Variants in UTS2 observed in about 807,000 individuals in gnomAD.
UTS2 encodes the protein urotensin-2.
In UTS2, 10 loss-of-function variants were observed where a neutral mutation model predicts 12.6. The observed-to-expected ratio is 0.80, with a 90% CI of 0.49 to 1.35. UTS2 has a LOEUF of 1.35. Among genes scored for constraint, UTS2 ranks in the 40% most tolerant of loss-of-function variants. The probability of loss-of-function intolerance (pLI) is 0.00; values close to 1 mark genes in which losing one functional copy is unlikely to be tolerated. For synonymous variants in UTS2, 52 were observed against 50.0 expected, an observed-to-expected ratio of 1.04 and a Z score of -0.17; for missense variants, 142 against 143.2, an observed-to-expected ratio of 0.99 and a Z score of 0.04.
At chr1:7,852,810 G>C in intron 1 of UTS2, 91 bp downstream of exon 1, 1 of 1,412,092 alleles carries the variant, frequency 7.1e-7, no homozygotes, top group Non-Finnish European at 9.5e-7. Context: ...AGACTCCTTC[G>C]AGCAGGAATC....
At chr1:7,861,327 C>T in the UTS2 span, among the ~76,000 whole-genome samples, 1 of 152,080 alleles carries the variant, frequency 6.6e-6, no homozygotes, top group African/African-American at 2.4e-5. Context: ...GTCAAGAAGG[C>T]AGCTGAATGC....
At chr1:7,882,675 A>G in the UTS2 span, among the ~76,000 whole-genome samples, 1 of 152,190 alleles carries the variant, frequency 6.6e-6, no homozygotes, top group South Asian at 2.1e-4. Context: ...CCAACAAAGG[A>G]CTAATATCCA....
chr1:7,888,489 G>A, the UTS2 span, among the ~76,000 whole-genome samples: 9 of 152,128 alleles, frequency 5.9e-5, no homozygotes, highest in African/African-American at 1.7e-4. Context: ...AACTTTTTCC[G>A]GAAAATGTCT....
the UTS2 span, among the ~76,000 whole-genome samples, chr1:7,865,905 A>C: frequency 6.6e-6 from 1 of 152,210 alleles, no homozygotes; most frequent in Non-Finnish European, 1.5e-5. Flanking sequence ...CACTGCACTC[A>C]GCCTAGGTGA....
chr1:7,896,849 C>T, the UTS2 span, among the ~76,000 whole-genome samples: 11 of 152,134 alleles, frequency 7.2e-5, no homozygotes. Context: ...GTGCGTGCCC[C>T]CATGCCTGGC....
At chr1:7,863,165 CCAATG>C in the UTS2 span, among the ~76,000 whole-genome samples, 1 of 151,210 alleles carries the variant, frequency 6.6e-6, no homozygotes, top group South Asian at 2.1e-4. Flanking sequence ...AGGCTGGAGT[CCAATG>C]GCGCAATCTT....
At chr1:7,851,309 T>C (rs1249516354) in intron 1 of UTS2, among the ~76,000 whole-genome samples, 2 of 138,860 alleles carry the variant, frequency 1.4e-5, no homozygotes, top group African/African-American at 5.3e-5. Context: ...GGTGGTGACA[T>C]TGGAGAGGAA....
chr1:7,913,102 C>G, the UTS2 span, among the ~76,000 whole-genome samples: 7 of 151,204 alleles, frequency 4.6e-5, no homozygotes, highest in South Asian at 1.5e-3. Flanking sequence ...ATGCCTGCTA[C>G]GGAACTCCCA....
intron 3 of UTS2, among the ~76,000 whole-genome samples, chr1:7,848,313 C>T (rs535108909): frequency 5.3e-5 from 8 of 152,068 alleles, no homozygotes; most frequent in East Asian, 3.9e-4. Flanking sequence ...GTGGCGGGCT[C>T]CTGTAGTCCC....
At chr1:7,884,273 T>C in the UTS2 span, among the ~76,000 whole-genome samples, 2 of 151,780 alleles carry the variant, frequency 1.3e-5, no homozygotes, top group African/African-American at 4.8e-5. Flanking sequence ...TTCTGTGTGA[T>C]ACATATGTAC....
the UTS2 span, among the ~76,000 whole-genome samples, chr1:7,865,455 C>T: frequency 1.5e-3 from 24 of 16,352 alleles, no homozygotes; most frequent in Non-Finnish European, 3.7e-3. Flanking sequence ...CCATCTTCCC[C>T]GTGTCCTCCC....
the UTS2 span, among the ~76,000 whole-genome samples, chr1:7,899,030 A>G: frequency 6.6e-6 from 1 of 152,182 alleles, no homozygotes; most frequent in Admixed American, 6.6e-5. Flanking sequence ...CAATCATGAC[A>G]GAAGGTGAAG....
the UTS2 span, among the ~76,000 whole-genome samples, chr1:7,887,111 TTC>T: frequency 6.6e-6 from 1 of 151,482 alleles, no homozygotes; most frequent in Non-Finnish European, 1.5e-5. Context: ...TGTTTTTTCT[TTC>T]TCTCTGTATT....
At chr1:7,863,105 A>ATTGTATTGTATTGTATTGTAT in the UTS2 span, among the ~76,000 whole-genome samples, 8 of 134,074 alleles carry the variant, frequency 6.0e-5, no homozygotes, top group East Asian at 2.5e-4. Context: ...ATTGTATTGT[A>ATTGTATTGTATTGTATTGTAT]TTGTATTGTA....
At chr1:7,905,533 TAATA>T in the UTS2 span, among the ~76,000 whole-genome samples, 2 of 151,796 alleles carry the variant, frequency 1.3e-5, no homozygotes, top group African/African-American at 4.8e-5. Context: ...TGCACCGGCC[TAATA>T]AATCAGTAAA....
At chr1:7,911,653 A>G in the UTS2 span, among the ~76,000 whole-genome samples, 1 of 152,130 alleles carries the variant, frequency 6.6e-6, no homozygotes, top group Admixed American at 6.6e-5. Context: ...CTGTCATCCC[A>G]GCACTTTGGG....
At chr1:7,891,138 A>G in the UTS2 span, among the ~76,000 whole-genome samples, 1 of 152,186 alleles carries the variant, frequency 6.6e-6, no homozygotes, top group East Asian at 1.9e-4. Flanking sequence ...AGAAACCAGA[A>G]AAAGAACTCA....
chr1:7,899,594 C>T, the UTS2 span, among the ~76,000 whole-genome samples: 1 of 152,118 alleles, frequency 6.6e-6, no homozygotes, highest in East Asian at 1.9e-4. Context: ...GCAGCCTCAA[C>T]CTTCCCAGGC....
At chr1:7,863,030 A>ATTGTATTGTATT in the UTS2 span, among the ~76,000 whole-genome samples, 1 of 31,556 alleles carries the variant, frequency 3.2e-5, no homozygotes. Context: ...ATTGTATTGT[A>ATTGTATTGTATT]TTGTATTGTA....
Sources: gnomAD v4.1 joint callset for allele counts (sites outside exome capture counted in the v4.1 genomes callset) on GRCh38, gnomAD v4.1.1 for gene constraint, MANE v1.5 for transcripts, NCBI Gene and HGNC (gene_info 2026-07-23, HGNC 2026-07-21) for gene names.